Variants in GNA14 observed in about 807,000 individuals in gnomAD.
GNA14 encodes guanine nucleotide-binding protein subunit alpha-14.
GNA14 carries 50 observed loss-of-function variants against 42.0 expected under a neutral mutation model. The observed-to-expected ratio is 1.19, with a 90% CI of 0.95 to 1.51. The LOEUF is 1.51. Among genes scored for constraint, GNA14 ranks in the 40% most tolerant of loss-of-function variants. The pLI is 0.00. For synonymous variants in GNA14, 173 were observed against 163.1 expected (o/e 1.06, Z -0.46); for missense variants, 473 against 446.2 (o/e 1.06, Z -0.54).
chr9:77,632,703 G>A (rs1264090707), intron 1 of GNA14, among the ~76,000 whole-genome samples: 1 of 152,142 alleles, frequency 6.6e-6, no homozygotes, highest in Non-Finnish European at 1.5e-5. Context: ...TGGCGTGCCT[G>A]GTCTGGCCGC....
chr9:77,463,057 A>G (rs1836142079), intron 2 of GNA14, among the ~76,000 whole-genome samples: 1 of 152,124 alleles, frequency 6.6e-6, no homozygotes, highest in African/African-American at 2.4e-5. Flanking sequence ...AGATTAGGAG[A>G]GGGGGTGTCA....
chr9:77,428,373 C>T (rs988904327), intron 5 of GNA14, among the ~76,000 whole-genome samples: 3 of 152,114 alleles, frequency 2.0e-5, no homozygotes, highest in Non-Finnish European at 4.4e-5. Flanking sequence ...GCCACCGTGC[C>T]CAGCCAAGAG....
At chr9:77,627,237 A>G (rs1237692629) in intron 1 of GNA14, among the ~76,000 whole-genome samples, 1 of 152,228 alleles carries the variant, frequency 6.6e-6, no homozygotes, top group Non-Finnish European at 1.5e-5. Flanking sequence ...TGAGGCAGTA[A>G]TTAATAGCCT....
At chr9:77,603,687 C>A (rs1043398409) in intron 1 of GNA14, among the ~76,000 whole-genome samples, 2 of 151,964 alleles carry the variant, frequency 1.3e-5, no homozygotes, top group Admixed American at 1.3e-4. Flanking sequence ...TCTGAGAGGC[C>A]GGGCACAGTG....
At chr9:77,569,057 C>G (rs1174847492) in intron 1 of GNA14, among the ~76,000 whole-genome samples, 1 of 152,018 alleles carries the variant, frequency 6.6e-6, no homozygotes, top group African/African-American at 2.4e-5. Context: ...GATGAGAAAC[C>G]CAAGTCCCAT....
intron 2 of GNA14, among the ~76,000 whole-genome samples, chr9:77,521,709 G>A (rs59879969): frequency 0.31 from 47,416 of 152,094 alleles, 9,182 homozygotes; most frequent in Admixed American, 0.42. Flanking sequence ...GAAGTTAGAT[G>A]TTTGATGCTT....
At chr9:77,493,026 A>AAATATCT (rs1554691641) in intron 2 of GNA14, among the ~76,000 whole-genome samples, 82 of 51,684 alleles carry the variant, frequency 1.6e-3, no homozygotes, top group African/African-American at 8.6e-3. Context: ...AAAAAAAAAA[A>AAATATCT]ATATATATAT....
At chr9:77,553,315 C>T (rs1168783729) in intron 1 of GNA14, among the ~76,000 whole-genome samples, 1 of 152,140 alleles carries the variant, frequency 6.6e-6, no homozygotes, top group Non-Finnish European at 1.5e-5. Context: ...GCAGGCACTA[C>T]ACTACACCTA....
At chr9:77,607,322 G>A (rs1284954494) in intron 1 of GNA14, among the ~76,000 whole-genome samples, 1 of 152,176 alleles carries the variant, frequency 6.6e-6, no homozygotes, top group Non-Finnish European at 1.5e-5. Flanking sequence ...ATCAGAATAA[G>A]TGATTGCTGA....
At chr9:77,595,643 T>C (rs534508072) in intron 1 of GNA14, among the ~76,000 whole-genome samples, 1 of 152,304 alleles carries the variant, frequency 6.6e-6, no homozygotes, top group Non-Finnish European at 1.5e-5. Flanking sequence ...TATAAAACAT[T>C]GCGCTTCTCA....
chr9:77,466,516 C>T (rs1836230103), intron 2 of GNA14, among the ~76,000 whole-genome samples: 1 of 152,040 alleles, frequency 6.6e-6, no homozygotes, highest in South Asian at 2.1e-4. Flanking sequence ...TTGCTTAATT[C>T]TTTAAACATG....
In GNA14 at chr9:77,597,720, A is replaced by G. The variant is rs148874638; in HGVS notation, c.124+49950T>C. Among the ~76,000 whole-genome samples, 90 of 152,086 alleles carry G rather than the reference A, an allele frequency of 5.9e-4. 1 individual carries two copies. The highest frequency in any genetic ancestry group is 3.4e-3 in the Middle Eastern group (1 of 294). On this transcript the variant is annotated intron_variant, in intron 1 of 6. Transcript: ENST00000341700. The stretch of plus-strand genomic sequence containing the variant: ...TTCCAAGAAGACAGAAAAATAAGCT[A>G]TTTGATAAAACTCTCCCATAAAATT...
At chr9:77,449,949 C>A (rs1835878368) in intron 2 of GNA14, among the ~76,000 whole-genome samples, 1 of 152,170 alleles carries the variant, frequency 6.6e-6, no homozygotes, top group Admixed American at 6.5e-5. Flanking sequence ...CCTCCCTGCT[C>A]AGACAAGAAC....
At chr9:77,531,303 C>T (rs1303011753) in intron 1 of GNA14, among the ~76,000 whole-genome samples, 2 of 152,170 alleles carry the variant, frequency 1.3e-5, no homozygotes, top group Admixed American at 6.5e-5. Flanking sequence ...CTCAGAAAAA[C>T]GAGACATGAA....
At position 77,529,071 on chromosome 9, in the gene GNA14, T is replaced by C. The variant is rs141730632; in HGVS notation, c.307A>G (p.Lys103Glu). ...LRIQYVCEQNKENAQIIREVE... is the reference protein window; with the variant it reads ...LRIQYVCEQNEENAQIIREVE... Reference sequence around the variant, plus strand: ...CAAGCACTCCCTAAGCACGTTACCTTATTCTGTTCACACACATACTGTATC... The same window carrying C: ...CAAGCACTCCCTAAGCACGTTACCTCATTCTGTTCACACACATACTGTATC... Residue 103 changes from lysine (K) to glutamate (E), a missense_variant and splice_region_variant, in exon 2 of 7, where the codon AAG (lysine) becomes GAG (glutamate). Transcript: ENST00000341700. 3.2e-5 allele frequency: 52 copies of C among 1,613,830 alleles called. No individual in the cohort carries two copies. The African/African-American group carries it at 6.0e-4, about 19-fold the overall frequency.
At chr9:77,430,244 G>C (rs903108727) in intron 4 of GNA14, among the ~76,000 whole-genome samples, 2 of 152,160 alleles carry the variant, frequency 1.3e-5, no homozygotes, top group African/African-American at 4.8e-5. Flanking sequence ...TGGGAGAGGT[G>C]CTCTGAGTTG....
At position 77,648,160 on chromosome 9, in the gene GNA14, G is replaced by A. The variant is rs1048290151; in HGVS notation, c.-367C>T. The A allele has an allele frequency of 9.5e-6, 3 of 315,272 alleles. No homozygotes were observed. The Admixed American group carries it at 1.6e-4, about 17-fold the overall frequency. 19.5% of individuals were successfully genotyped at this position (315,272 alleles called of 1,614,324 possible). ...CCGGACAGCAGTCGGGGGCGCAGACGAGTTGGAACGTCGGTGCTCGGGGGA... is the reference window on the plus strand; with the variant it reads ...CCGGACAGCAGTCGGGGGCGCAGACAAGTTGGAACGTCGGTGCTCGGGGGA... On this transcript the variant is annotated 5_prime_UTR_variant, in exon 1 of 7. Coordinates refer to ENST00000341700, the MANE Select transcript of GNA14 (RefSeq NM_004297.4).
chr9:77,504,660 CTTTTTT>C (rs34631344), intron 2 of GNA14, among the ~76,000 whole-genome samples: 6 of 76,220 alleles, frequency 7.9e-5, no homozygotes, highest in African/African-American at 2.6e-4. Context: ...GTCTGGCCGA[CTTTTTT>C]TTTTTTTTTT....
chr9:77,596,584 G>A (rs979995035), intron 1 of GNA14, among the ~76,000 whole-genome samples: 10 of 152,012 alleles, frequency 6.6e-5, no homozygotes, highest in South Asian at 2.1e-4. Context: ...GTCAGGTGGC[G>A]ACATGCGGGG....
Sources: gnomAD v4.1 joint callset for allele counts (sites outside exome capture counted in the v4.1 genomes callset) on GRCh38, gnomAD v4.1.1 for gene constraint, MANE v1.5 for transcripts, NCBI Gene and HGNC (gene_info 2026-07-23, HGNC 2026-07-21) for gene names.